Variants in STC1 observed in about 807,000 individuals in gnomAD.
The protein encoded by STC1 is stanniocalcin-1.
In STC1, 7 loss-of-function variants were observed where a neutral mutation model predicts 22.6. The ratio of observed to expected loss-of-function variants is 0.31; its 90% CI spans 0.18 to 0.58. The LOEUF (loss-of-function observed/expected upper bound fraction) is 0.58, where lower values mean the gene tolerates loss of function less well. Ranked by LOEUF, STC1 falls within the 20% of genes least tolerant of loss-of-function variation. The probability of loss-of-function intolerance (pLI) is 0.89; values close to 1 mark genes in which losing one functional copy is unlikely to be tolerated. For synonymous variants in STC1, 113 were observed against 120.7 expected (o/e 0.94, Z 0.42); for missense variants, 224 against 311.0 (o/e 0.72, Z 2.10).
At position 23,854,758 on chromosome 8, in the gene STC1, C is replaced by G; in HGVS notation, c.-235G>C. ...GCTGCTGCTGCCACCGCCGCTGCTGCTGCTGCTGCTGCAGTCGCTGCTTCT... is the reference window on the plus strand; with the variant it reads ...GCTGCTGCTGCCACCGCCGCTGCTGGTGCTGCTGCTGCAGTCGCTGCTTCT... On this transcript the variant is annotated 5_prime_UTR_variant, in exon 1 of 4. Coordinates refer to ENST00000290271, the MANE Select transcript of STC1 (RefSeq NM_003155.3). 1.6e-6 allele frequency: 1 copy of G among 624,970 alleles called. No homozygotes were observed. 38.7% of individuals were successfully genotyped at this position (624,970 alleles called of 1,614,324 possible). A position where few individuals can be genotyped will look rare whatever the true frequency, so the allele number is the denominator to read the frequency against.
Position 23,844,801 on chromosome 8 carries a change from T to G in STC1, c.713A>C (p.His238Pro). The G allele has an allele frequency of 1.2e-6, 2 of 1,614,064 alleles. No individual in the cohort carries two copies. Among genetic ancestry groups the G allele is most frequent in the Non-Finnish European group, 1.7e-6 (2 of 1,179,996 alleles). Residue 238 changes from histidine to proline, a missense_variant, in exon 4 of 4, where the codon CAC becomes CCC. His to Pro is a moderately conservative substitution (Grantham distance 77). Transcript: ENST00000290271. Reference sequence around the variant, plus strand: ...ACTCTCATGGGATGTGCGTTTGATGTGGGAGGGAGAGTCCTCCTCACCTCG... The same window carrying G: ...ACTCTCATGGGATGTGCGTTTGATGGGGGAGGGAGAGTCCTCCTCACCTCG... The part of the protein sequence containing the change: ...NLRGEEDSPS[H>P]IKRTSHESA
chr8:23,854,510 G>A lies in STC1; in HGVS notation c.14C>T (p.Ser5Leu). 6.2e-7 allele frequency: 1 copy of A among 1,613,902 alleles called. No individual in the cohort carries two copies. The highest frequency in any genetic ancestry group is 8.5e-7 in the Non-Finnish European group (1 of 1,179,906). Residue 5 changes from serine to leucine, a missense_variant, in exon 1 of 4, where the codon TCA (serine) becomes TTA (leucine). Physicochemically the swap from Ser to Leu is moderately radical, Grantham distance 145. Transcript: ENST00000290271. ...GATCACCAGCACCAGAAGCACTGCT[G>A]AGTTTTGGAGCATTCTCTGAGAAGT... Reference protein sequence around the residue: MLQNSAVLLVLVISA... With the variant: MLQNLAVLLVLVISA...
Position 23,843,348 on chromosome 8 carries a change from T to A in STC1, c.*1422A>T, listed in dbSNP as rs1415385954. 2 of 152,382 alleles carry A rather than the reference T, an allele frequency of 1.3e-5. No individual in the cohort carries two copies. Among genetic ancestry groups the A allele is most frequent in the African/African-American group, 4.8e-5 (2 of 41,338 alleles). 9.4% of individuals were successfully genotyped at this position (152,382 alleles called of 1,614,324 possible). ...TTTTTTTACGATCCTACAGAGATGG[T>A]CCAGCTGCCAGGACTACTTTGGCAG... On this transcript the variant is annotated 3_prime_UTR_variant, in exon 4 of 4. Coordinates refer to ENST00000290271, the MANE Select transcript of STC1 (RefSeq NM_003155.3).
intron 1 of STC1, among the ~76,000 whole-genome samples, chr8:23,852,706 A>G (rs1462723884): frequency 2.0e-5 from 3 of 152,204 alleles, no homozygotes; most frequent in African/African-American, 7.2e-5. Context: ...CCTTTAAGCC[A>G]TTCCATAGAA....
At chr8:23,850,623 C>T (rs867641682) in intron 3 of STC1, among the ~76,000 whole-genome samples, 1 of 152,128 alleles carries the variant, frequency 6.6e-6, no homozygotes, top group Non-Finnish European at 1.5e-5. Context: ...TGTACTAGCT[C>T]AGTGGCCTTG....
At position 23,852,362 on chromosome 8, in the gene STC1, G is replaced by C; in HGVS notation, c.141C>G (p.Asn47Lys). The change falls in exon 2 of 4, where the codon AAC becomes AAG. Residue 47 changes from asparagine (N) to lysine (K), a missense_variant. Coordinates refer to ENST00000290271, the MANE Select transcript of STC1 (RefSeq NM_003155.3). ...QNSAEVVRCL[N>K]SALQVGCGAF... ...CCCCGCAGCCGACCTGTAGAGCACT[G>C]TTGAGGCAACGAACCACTTCAGCTG... 2 of 1,606,394 alleles carry C rather than the reference G, an allele frequency of 1.2e-6. No homozygotes were observed. Among genetic ancestry groups the C allele is most frequent in the Non-Finnish European group, 1.7e-6 (2 of 1,176,924 alleles).
Position 23,843,845 on chromosome 8 carries a change from G to C in STC1, c.*925C>G, listed in dbSNP as rs921490505. On this transcript the variant is annotated 3_prime_UTR_variant, in exon 4 of 4. Transcript: ENST00000290271. ...AATTAAAACTACTTCTACCCCCTTAGTTATAAAAAAGGCCACAAGGAGCAT... is the reference window on the plus strand; with the variant it reads ...AATTAAAACTACTTCTACCCCCTTACTTATAAAAAAGGCCACAAGGAGCAT... 1 of 152,466 alleles carries C rather than the reference G, an allele frequency of 6.6e-6. No individual in the cohort carries two copies. The highest frequency in any genetic ancestry group is 1.5e-5 in the Non-Finnish European group (1 of 68,030). The allele number at this position is 152,466 out of a possible 1,614,324, so 9.4% of individuals were successfully genotyped here.
At chr8:23,853,516 C>T (rs1724865689) in intron 1 of STC1, among the ~76,000 whole-genome samples, 1 of 152,186 alleles carries the variant, frequency 6.6e-6, no homozygotes, top group Admixed American at 6.5e-5. Flanking sequence ...GGGACCTGTG[C>T]TCTTCCAAGG....
intron 1 of STC1, chr8:23,853,923 C>T (rs1206947060): frequency 1.4e-6 from 1 of 723,152 alleles, no homozygotes; most frequent in East Asian, 1.3e-4. Flanking sequence ...GGCTATGGTT[C>T]TGAAAATCAG....
Position 23,851,377 on chromosome 8 carries a change from T to C in STC1, c.416A>G (p.Lys139Arg). The change falls in exon 3 of 4, where the codon AAG (lysine) becomes AGG (arginine). Residue 139 changes from lysine to arginine, a missense_variant. By Grantham distance (26) the Lys-to-Arg change is conservative. Coordinates refer to ENST00000290271, the MANE Select transcript of STC1 (RefSeq NM_003155.3). Reference sequence around the variant, plus strand: ...CTCAGTGATGGCTTCAGGGTTCCGCTTGGCGATGCTGCACACATTCAGCTT... The same window carrying C: ...CTCAGTGATGGCTTCAGGGTTCCGCCTGGCGATGCTGCACACATTCAGCTT... ...YSKLNVCSIA[K>R]RNPEAITEVV... The C allele has an allele frequency of 1.9e-6, 3 of 1,614,164 alleles. No homozygotes were observed. The highest frequency in any genetic ancestry group is 1.6e-4 in the Middle Eastern group (1 of 6,062).
rs376201059 is a variant in STC1 at position 23,852,426 on chromosome 8, G to T, written c.119-42C>A. ...CATCCATTCTGGGTCAAACAGTGAG[G>T]AATGGCTGGGTGGGATCAAGTGGGT... On this transcript the variant is annotated intron_variant, in intron 1 of 3. Transcript: ENST00000290271. The T allele has an allele frequency of 5.2e-6, 8 of 1,551,368 alleles. No homozygotes were observed. In the African/African-American group the frequency reaches 9.6e-5, roughly 19 times the overall value.
rs1317572766 is a variant in STC1, at chr8:23,844,116, C to T, written c.*654G>A. 5 of 153,746 alleles carry T rather than the reference C, an allele frequency of 3.3e-5. No homozygotes were observed. The highest frequency in any genetic ancestry group is 7.2e-5 in the African/African-American group (3 of 41,422). The allele number at this position is 153,746 out of a possible 1,614,324, so 9.5% of individuals were successfully genotyped here. ...TTTAAAGCTCTGAGCAGTTACAGTACGTAAAGATGTTAGCTTTTTGTTTTT... is the reference window on the plus strand; with the variant it reads ...TTTAAAGCTCTGAGCAGTTACAGTATGTAAAGATGTTAGCTTTTTGTTTTT... On this transcript the variant is annotated 3_prime_UTR_variant, in exon 4 of 4. Transcript: ENST00000290271.
chr8:23,847,226 A>C (rs1440504962), intron 3 of STC1, among the ~76,000 whole-genome samples: 2 of 152,250 alleles, frequency 1.3e-5, no homozygotes, highest in East Asian at 3.8e-4. Context: ...CCCTTAAGGT[A>C]ATTAAGCTTC....
intron 3 of STC1, among the ~76,000 whole-genome samples, chr8:23,847,829 C>T (rs1242412837): frequency 1.3e-5 from 2 of 152,224 alleles, no homozygotes; most frequent in African/African-American, 4.8e-5. Flanking sequence ...TGTGTCCATC[C>T]TTTTGGGAGA....
chr8:23,851,075 T>G (rs1220149591), intron 3 of STC1, among the ~76,000 whole-genome samples: 1 of 152,054 alleles, frequency 6.6e-6, no homozygotes, highest in Non-Finnish European at 1.5e-5. Flanking sequence ...ATGCTGCAGA[T>G]GAGGCTGGCT....
In STC1 at chr8:23,854,668, T is replaced by C; in HGVS notation, c.-145A>G. 1.2e-6 allele frequency: 1 copy of C among 805,836 alleles called. No individual in the cohort carries two copies. Among genetic ancestry groups the C allele is most frequent in the Non-Finnish European group, 2.2e-6 (1 of 461,372 alleles). The allele number at this position is 805,836 out of a possible 1,614,324, so 49.9% of individuals were successfully genotyped here. A position where few individuals can be genotyped will look rare whatever the true frequency, so the allele number is the denominator to read the frequency against. On this transcript the variant is annotated 5_prime_UTR_variant, in exon 1 of 4. Coordinates refer to ENST00000290271, the MANE Select transcript of STC1 (RefSeq NM_003155.3). ...ATTTGATGAGGATTTTTTTTTGTTG[T>C]TGTTGCTGGTGATGCTGCTGCTGCC...
chr8:23,848,281 C>T (rs960987091), intron 3 of STC1, among the ~76,000 whole-genome samples: 1 of 152,044 alleles, frequency 6.6e-6, no homozygotes, highest in African/African-American at 2.4e-5. Context: ...CCTGCAGTCC[C>T]AGCACTTTGG....
rs765010472 is a variant in STC1 at position 23,842,976 on chromosome 8, T to G, written c.*1794A>C. The G allele has an allele frequency of 1.3e-5, 2 of 152,740 alleles. No homozygotes were observed. The highest frequency in any genetic ancestry group is 2.9e-5 in the Non-Finnish European group (2 of 68,112). 9.5% of individuals were successfully genotyped at this position (152,740 alleles called of 1,614,324 possible). The stretch of plus-strand genomic sequence containing the variant: ...ATTGCTTTTCATTTTTCTGGAGATG[T>G]GCCCTCTCTCCTCCCACCAGGATCC... On this transcript the variant is annotated 3_prime_UTR_variant, in exon 4 of 4. Transcript: ENST00000290271.
rs576243685 is a variant in STC1, at chr8:23,847,538, T to C, written c.474-2498A>G. The stretch of plus-strand genomic sequence containing the variant: ...TATAAAACAAAGTCCATGTCTCCAT[T>C]AGTAGTTCTTCAAAGGCTGGAAAAT... On this transcript the variant is annotated intron_variant, in intron 3 of 3. Transcript: ENST00000290271. 5.9e-5 allele frequency among the ~76,000 whole-genome samples: 9 copies of C among 152,318 alleles called. 1 individual carries two copies. The South Asian group carries it at 1.7e-3, about 28-fold the overall frequency.
Sources: gnomAD v4.1 joint callset for allele counts (sites outside exome capture counted in the v4.1 genomes callset) on GRCh38, gnomAD v4.1.1 for gene constraint, MANE v1.5 for transcripts, NCBI Gene and HGNC (gene_info 2026-07-23, HGNC 2026-07-21) for gene names.